PIEZO2: variants seen among roughly 807,000 people sequenced by gnomAD.
PIEZO2 encodes piezo-type mechanosensitive ion channel component 2.
Under a neutral mutation model 337.3 loss-of-function variants are expected in PIEZO2, and 172 were observed. The observed-to-expected ratio is 0.51, with a 90% CI of 0.45 to 0.58. The LOEUF (loss-of-function observed/expected upper bound fraction) is 0.58, where lower values mean the gene tolerates loss of function less well. Ranked by LOEUF, PIEZO2 falls within the 20% of genes least tolerant of loss-of-function variation. The pLI, the probability that PIEZO2 is intolerant of heterozygous loss-of-function variation, is 0.00. For missense variants in PIEZO2, 3,028 were observed against 3,391.3 expected (o/e 0.89, Z 2.66); for synonymous variants, 1,251 against 1,228.5 (o/e 1.02, Z -0.38).
chr18:11,113,017 C>T (rs1009371271), intron 1 of PIEZO2, among the ~76,000 whole-genome samples: 29 of 152,192 alleles, frequency 1.9e-4, no homozygotes, highest in African/African-American at 5.8e-4. Flanking sequence ...GTGCCCAGCA[C>T]GATGTAGGCC....
rs1240369524 is a variant in PIEZO2, at chr18:10,673,513, G to A, written c.8162-640C>T. Among the ~76,000 whole-genome samples, 1 of 152,204 alleles carries A rather than the reference G, an allele frequency of 6.6e-6. No homozygotes were observed. Among genetic ancestry groups the A allele is most frequent in the Non-Finnish European group, 1.5e-5 (1 of 68,036 alleles). ...AGTGAGAACTTCAATAGGTGAAGGTGGGTGAGGAGGGAAGCTCATTTCAGG... is the reference window on the plus strand; with the variant it reads ...AGTGAGAACTTCAATAGGTGAAGGTAGGTGAGGAGGGAAGCTCATTTCAGG... On this transcript the variant is annotated intron_variant, in intron 54 of 55. Coordinates refer to ENST00000674853, the MANE Select transcript of PIEZO2 (RefSeq NM_001378183.1). The surrounding 1 kb of genome is among the most constrained non-coding windows in gnomAD (Gnocchi z 4.8).
At chr18:10,755,099 T>A (rs1416667529) in intron 27 of PIEZO2, among the ~76,000 whole-genome samples, 1 of 152,108 alleles carries the variant, frequency 6.6e-6, no homozygotes, top group Non-Finnish European at 1.5e-5. Flanking sequence ...CAAAAGCAAG[T>A]TAGACATGAT....
At position 10,871,339 on chromosome 18, in the gene PIEZO2, T is replaced by G. The variant is rs1237702556; in HGVS notation, c.406A>C (p.Ile136Leu). The G allele has an allele frequency of 2.0e-6, 3 of 1,537,326 alleles. No individual in the cohort carries two copies. Among genetic ancestry groups the G allele is most frequent in the Non-Finnish European group, 2.6e-6 (3 of 1,146,868 alleles). The part of the protein sequence containing the change: ...DIGMFIASLT[I>L]WLLCRNIVQK... ...ACAATGTTTCTACAGAGGAGCCAGA[T>G]GGTCAGACTAGCAATGAACATCCCG... Residue 136 changes from isoleucine to leucine, a missense_variant, in exon 5 of 56, where the codon ATC (isoleucine) becomes CTC (leucine). Coordinates refer to ENST00000674853, the MANE Select transcript of PIEZO2 (RefSeq NM_001378183.1).
intron 7 of PIEZO2, among the ~76,000 whole-genome samples, chr18:10,817,832 A>G (rs1041308931): frequency 2.0e-5 from 3 of 151,496 alleles, no homozygotes; most frequent in South Asian, 2.1e-4. Context: ...CTGAGGCAGG[A>G]GAATCACTTG....
chr18:10,962,095 A>C lies in PIEZO2; in HGVS notation c.286+17440T>G, dbSNP rs2033806730. Among the ~76,000 whole-genome samples, 1 of 152,202 alleles carries C rather than the reference A, an allele frequency of 6.6e-6. No homozygotes were observed. Among genetic ancestry groups the C allele is most frequent in the Non-Finnish European group, 1.5e-5 (1 of 68,042 alleles). On this transcript the variant is annotated intron_variant, in intron 3 of 55. Coordinates refer to ENST00000674853, the MANE Select transcript of PIEZO2 (RefSeq NM_001378183.1). The surrounding 1 kb of genome is among the most constrained non-coding windows in gnomAD (Gnocchi z 4.1). The stretch of plus-strand genomic sequence containing the variant: ...TTTTTTTCCAAGCAGACTGTAATCA[A>C]CTATATTAGCATGACAACAAATTCT...
rs11661145 is a variant in PIEZO2 at position 10,699,500 on chromosome 18, A to G, written c.6442-323T>C. 0.39 allele frequency among the ~76,000 whole-genome samples: 58,974 copies of G among 151,874 alleles called. 12,713 individuals are homozygous for G. Among genetic ancestry groups the G allele is most frequent in the East Asian group, 0.57 (2,924 of 5,132 alleles). Reference sequence around the variant, plus strand: ...CTTTGCCTGCCACCATCCAAGTAAGATGTGACTTGCTCCTGCTCCCCTTCT... The same window carrying G: ...CTTTGCCTGCCACCATCCAAGTAAGGTGTGACTTGCTCCTGCTCCCCTTCT... On this transcript the variant is annotated intron_variant, in intron 43 of 55. Coordinates refer to ENST00000674853, the MANE Select transcript of PIEZO2 (RefSeq NM_001378183.1).
intron 5 of PIEZO2, among the ~76,000 whole-genome samples, chr18:10,860,528 A>G (rs2041845269): frequency 6.6e-6 from 1 of 152,060 alleles, no homozygotes; most frequent in South Asian, 2.1e-4. Context: ...CACCCACACC[A>G]TCGTCAACAC....
chr18:11,140,604 C>G (rs955404464), intron 1 of PIEZO2, among the ~76,000 whole-genome samples: 1 of 152,098 alleles, frequency 6.6e-6, no homozygotes, highest in Non-Finnish European at 1.5e-5. Context: ...GGTCTAGAAA[C>G]AAAGATGGGT....
Position 10,724,506 on chromosome 18 carries a change from G to T in PIEZO2, c.5030-6247C>A. 2.3e-6 allele frequency: 1 copy of T among 439,328 alleles called. No homozygotes were observed. The highest frequency in any genetic ancestry group is 4.0e-6 in the Non-Finnish European group (1 of 249,674). 27.2% of individuals were successfully genotyped at this position (439,328 alleles called of 1,614,324 possible). ...GGCAATGCGGAGTACAGGGCCTGCT[G>T]GTCCTCTGGTCACACCCACTCATGC... On this transcript the variant is annotated intron_variant, in intron 36 of 55. Transcript: ENST00000674853. The surrounding 1 kb of genome is among the most constrained non-coding windows in gnomAD (Gnocchi z 5.8).
chr18:11,085,821 A>G (rs1467289750), intron 1 of PIEZO2, among the ~76,000 whole-genome samples: 1 of 141,818 alleles, frequency 7.1e-6, no homozygotes, highest in East Asian at 2.1e-4. Flanking sequence ...TGGCACTCAA[A>G]AAGTGCTACT....
intron 39 of PIEZO2, 113 bp downstream of exon 39, chr18:10,714,651 G>T (rs1196430813): frequency 8.4e-7 from 1 of 1,187,718 alleles, no homozygotes; most frequent in Non-Finnish European, 1.2e-6. Flanking sequence ...GAGGGTGGGG[G>T]TCCATGCATG....
chr18:11,081,665 A>C (rs2038745646), intron 1 of PIEZO2, among the ~76,000 whole-genome samples: 1 of 151,870 alleles, frequency 6.6e-6, no homozygotes, highest in Non-Finnish European at 1.5e-5. Flanking sequence ...TAGCTTGGGG[A>C]GCTCTGTGCA....
At position 10,735,282 on chromosome 18, in the gene PIEZO2, C is replaced by T. The variant is rs908460183; in HGVS notation, c.4864G>A (p.Val1622Ile). 2.0e-5 allele frequency among the ~76,000 whole-genome samples: 3 copies of T among 152,200 alleles called. No homozygotes were observed. The highest frequency in any genetic ancestry group is 7.2e-5 in the African/African-American group (3 of 41,452). Residue 1622 changes from valine to isoleucine, a missense_variant, in exon 35 of 56, where the codon GTC (valine) becomes ATC (isoleucine). By Grantham distance (29) the Val-to-Ile change is conservative. This residue lies in a region of PIEZO2 where 1,925 missense variants were observed against 2,051.9 expected (regional missense o/e 0.94). Transcript: ENST00000674853. The part of the protein sequence containing the change: ...ASAILALPKS[V>I]IKLPKTILQY... ...AGAATAGTTTTGGGAAGTTTAATGA[C>T]AGACTTTGGCAAGGCTAAAATGGCT... is the stretch of plus-strand genomic sequence containing the variant.
At chr18:11,010,282 G>A (rs1196805533) in intron 2 of PIEZO2, among the ~76,000 whole-genome samples, 1 of 152,202 alleles carries the variant, frequency 6.6e-6, no homozygotes, top group Non-Finnish European at 1.5e-5. Context: ...ATCACTCCAT[G>A]CTTTGGGTTC....
In PIEZO2 at chr18:11,009,092, C is replaced by T. The variant is rs1235214086; in HGVS notation, c.161-29432G>A. Among the ~76,000 whole-genome samples, 1 of 152,194 alleles carries T rather than the reference C, an allele frequency of 6.6e-6. No homozygotes were observed. The highest frequency in any genetic ancestry group is 2.4e-5 in the African/African-American group (1 of 41,446). ...CTACGTACGTGATTGTGTTCAAATC[C>T]TTCAGAATCTCTGTGACCTACCCTC... is the stretch of plus-strand genomic sequence containing the variant. On this transcript the variant is annotated intron_variant, in intron 2 of 55. Coordinates refer to ENST00000674853, the MANE Select transcript of PIEZO2 (RefSeq NM_001378183.1). This position sits in a 1 kb window ranked among gnomAD's most constrained non-coding sequence, Gnocchi z 4.6.
At position 11,003,547 on chromosome 18, in the gene PIEZO2, A is replaced by G. The variant is rs1479004945; in HGVS notation, c.161-23887T>C. Among the ~76,000 whole-genome samples, 1 of 152,264 alleles carries G rather than the reference A, an allele frequency of 6.6e-6. No individual in the cohort carries two copies. Among genetic ancestry groups the G allele is most frequent in the Admixed American group, 6.5e-5 (1 of 15,288 alleles). ...AGAAAGATTAATAAAAGCAAGTCAG[A>G]TAATAATTTACCCACTTATTCTAGT... On this transcript the variant is annotated intron_variant, in intron 2 of 55. Transcript: ENST00000674853. The surrounding 1 kb of genome is among the most constrained non-coding windows in gnomAD (Gnocchi z 4.6).
chr18:10,994,473 G>A (rs1657482267), intron 2 of PIEZO2, among the ~76,000 whole-genome samples: 1 of 148,514 alleles, frequency 6.7e-6, no homozygotes, highest in Admixed American at 6.7e-5. Context: ...GCAGTGGTGT[G>A]ATCTCGGCTC....
intron 3 of PIEZO2, among the ~76,000 whole-genome samples, chr18:10,961,621 T>TGTATAGAATATA (rs926266825): frequency 6.6e-6 from 1 of 152,154 alleles, no homozygotes; most frequent in Non-Finnish European, 1.5e-5. Context: ...AGAGTCAGCT[T>TGTATAGAATATA]GTATAGAATA....
At chr18:10,674,581 G>A (rs764843694) in intron 54 of PIEZO2, among the ~76,000 whole-genome samples, 11 of 152,324 alleles carry the variant, frequency 7.2e-5, no homozygotes, top group Non-Finnish European at 1.3e-4. Flanking sequence ...AGGCTCCAGC[G>A]CCTGGCCTAT....
Sources: gnomAD v4.1 joint callset for allele counts (sites outside exome capture counted in the v4.1 genomes callset) on GRCh38, gnomAD v4.1.1 for gene constraint, gnomAD v4.1.1 regional missense constraint, Gnocchi (gnomAD v3.1) non-coding constraint, MANE v1.5 for transcripts, NCBI Gene and HGNC (gene_info 2026-07-23, HGNC 2026-07-21) for gene names.